The following CSMD1 variants were observed in gnomAD, a reference collection of about 807,000 sequenced individuals.
CSMD1 encodes CUB and sushi domain-containing protein 1.
Under a neutral mutation model 417.5 loss-of-function variants are expected in CSMD1, and 213 were observed. That is an observed-to-expected ratio of 0.51 (90% CI 0.46 to 0.57). CSMD1 has a LOEUF of 0.57. CSMD1 is among the 20% of genes least tolerant of loss of function. The probability of loss-of-function intolerance (pLI) is 0.00; values close to 1 mark genes in which losing one functional copy is unlikely to be tolerated. For synonymous variants in CSMD1, 2,862 were observed against 1,736.8 expected (o/e 1.65, Z -16.11); for missense variants, 6,923 against 4,529.7 (o/e 1.53, Z -15.17).
At chr8:4,088,852 G>T (rs1048403052) in intron 3 of CSMD1, among the ~76,000 whole-genome samples, 1 of 152,042 alleles carries the variant, frequency 6.6e-6, no homozygotes, top group African/African-American at 2.4e-5. Context: ...TAGTCTCCTG[G>T]TTTCCATGAC....
intron 2 of CSMD1, among the ~76,000 whole-genome samples, chr8:4,553,014 C>T (rs1252738641): frequency 2.0e-5 from 3 of 152,158 alleles, no homozygotes; most frequent in Non-Finnish European, 4.4e-5. Context: ...TTCACCGAGT[C>T]AGAACATGAA....
chr8:4,657,005 C>T (rs769912291), intron 1 of CSMD1, among the ~76,000 whole-genome samples: 7 of 152,026 alleles, frequency 4.6e-5, no homozygotes, highest in Non-Finnish European at 7.4e-5. Context: ...CAAAAACCAC[C>T]GTAGGGCACG....
chr8:4,961,481 A>G (rs1016392198), intron 1 of CSMD1, among the ~76,000 whole-genome samples: 8 of 152,092 alleles, frequency 5.3e-5, no homozygotes, highest in Non-Finnish European at 8.8e-5. Flanking sequence ...ATATTCTCCA[A>G]TGACATTTTA....
rs139912198 is a variant in CSMD1 at position 3,844,174 on chromosome 8, G to C, written c.819-90132C>G. On this transcript the variant is annotated intron_variant, in intron 5 of 69. Transcript: ENST00000635120. The stretch of plus-strand genomic sequence containing the variant: ...GACAATATTGGCATTAACTTAGAAA[G>C]GCTTATTTTTATTTCCTCTTTAAGA... Among the ~76,000 whole-genome samples the C allele has an allele frequency of 2.5e-3, 374 of 152,250 alleles. 1 individual carries two copies. The highest frequency in any genetic ancestry group is 8.7e-3 in the African/African-American group (362 of 41,544).
chr8:3,041,668 C>A (rs1256790017), intron 50 of CSMD1, among the ~76,000 whole-genome samples: 1 of 152,094 alleles, frequency 6.6e-6, no homozygotes, highest in Non-Finnish European at 1.5e-5. Context: ...GCTAATATTC[C>A]CATCTTTACT....
intron 5 of CSMD1, among the ~76,000 whole-genome samples, chr8:3,869,614 C>G (rs1034408860): frequency 6.6e-6 from 1 of 152,136 alleles, no homozygotes; most frequent in African/African-American, 2.4e-5. Flanking sequence ...AAAACATGCA[C>G]TTTCTCACCG....
chr8:3,502,161 G>A (rs960136401), intron 10 of CSMD1, among the ~76,000 whole-genome samples: 11 of 151,802 alleles, frequency 7.2e-5, no homozygotes, highest in Admixed American at 2.6e-4. Flanking sequence ...TCAGGAGATC[G>A]AGACCATACT....
chr8:3,671,902 T>A (rs1327443532), intron 7 of CSMD1, among the ~76,000 whole-genome samples: 1 of 152,088 alleles, frequency 6.6e-6, no homozygotes, highest in African/African-American at 2.4e-5. Context: ...CCTCATTTCC[T>A]CTGTCCTGTG....
chr8:4,622,434 G>C (rs1007833999), intron 2 of CSMD1, among the ~76,000 whole-genome samples: 2 of 152,040 alleles, frequency 1.3e-5, no homozygotes, highest in African/African-American at 2.4e-5. Flanking sequence ...CAAAACTATG[G>C]AGATGATTGT....
chr8:3,281,406 T>A (rs989674198), intron 26 of CSMD1, among the ~76,000 whole-genome samples: 1 of 152,056 alleles, frequency 6.6e-6, no homozygotes. Context: ...ATCATGCCAC[T>A]GCACTCCAGC....
At chr8:4,619,139 T>C (rs1413391060) in intron 2 of CSMD1, among the ~76,000 whole-genome samples, 1 of 152,142 alleles carries the variant, frequency 6.6e-6, no homozygotes, top group African/African-American at 2.4e-5. Context: ...TAGATTTAAC[T>C]CATGAGAAAG....
chr8:3,367,282 A>G (rs1298447486), intron 19 of CSMD1, 35 bp from the exon 20 acceptor site: 2 of 1,494,594 alleles, frequency 1.3e-6, no homozygotes, highest in East Asian at 2.3e-5. Flanking sequence ...AGAGAGAGAC[A>G]GAGAGAGACA....
chr8:3,779,049 C>G (rs186453051), intron 5 of CSMD1, among the ~76,000 whole-genome samples: 131 of 152,178 alleles, frequency 8.6e-4, no homozygotes, highest in African/African-American at 3.1e-3. Context: ...GTTTTCATAA[C>G]AAATTACCAT....
chr8:4,652,585 G>C (rs1365396821), intron 1 of CSMD1, among the ~76,000 whole-genome samples: 24 of 152,024 alleles, frequency 1.6e-4, no homozygotes, highest in Admixed American at 1.6e-3. Flanking sequence ...CCGGGAGGCA[G>C]AGGTTGCAGT....
intron 3 of CSMD1, among the ~76,000 whole-genome samples, chr8:4,144,480 T>C (rs1296889295): frequency 6.6e-6 from 1 of 151,150 alleles, no homozygotes; most frequent in East Asian, 1.9e-4. Flanking sequence ...ATTCTGCAAA[T>C]GGATATCCGC....
At chr8:4,086,814 G>T (rs547376348) in intron 3 of CSMD1, among the ~76,000 whole-genome samples, 1 of 152,146 alleles carries the variant, frequency 6.6e-6, no homozygotes, top group Non-Finnish European at 1.5e-5. Flanking sequence ...CTTAGTCTGA[G>T]ATGAAAACTT....
intron 12 of CSMD1, among the ~76,000 whole-genome samples, chr8:3,425,014 A>C (rs1813736916): frequency 6.6e-6 from 1 of 151,970 alleles, no homozygotes; most frequent in African/African-American, 2.4e-5. Flanking sequence ...ATTTTATTTT[A>C]CTTTTGTAGA....
chr8:3,175,701 A>G (rs1820896861), intron 37 of CSMD1, among the ~76,000 whole-genome samples: 1 of 151,614 alleles, frequency 6.6e-6, no homozygotes, highest in South Asian at 2.1e-4. Flanking sequence ...AGACGTGGGA[A>G]CATGGCTTCC....
At chr8:4,151,769 A>T (rs1373677973) in intron 3 of CSMD1, among the ~76,000 whole-genome samples, 1 of 152,220 alleles carries the variant, frequency 6.6e-6, no homozygotes, top group African/African-American at 2.4e-5. Context: ...CTAGTGCCAC[A>T]TTTCTTCTGC....
Sources: gnomAD v4.1 joint callset for allele counts (sites outside exome capture counted in the v4.1 genomes callset) on GRCh38, gnomAD v4.1.1 for gene constraint, MANE v1.5 for transcripts, NCBI Gene and HGNC (gene_info 2026-07-23, HGNC 2026-07-21) for gene names.